The following SLC9A2 variants were observed in gnomAD, a reference collection of about 807,000 sequenced individuals.
SLC9A2 encodes the protein sodium/hydrogen exchanger 2.
Under a neutral mutation model 71.7 loss-of-function variants are expected in SLC9A2, and 42 were observed. That is an observed-to-expected ratio of 0.59 (90% CI 0.46 to 0.76). The LOEUF is 0.76. Ranked by LOEUF, SLC9A2 falls within the 30% of genes least tolerant of loss-of-function variation. The pLI is 0.00. For synonymous variants in SLC9A2, 396 were observed against 392.5 expected (o/e 1.01, Z -0.10); for missense variants, 829 against 1,017.4 (o/e 0.81, Z 2.52).
In SLC9A2 at chr2:102,683,256, T is replaced by G; in HGVS notation, c.1005-5T>G. The stretch of plus-strand genomic sequence containing the variant: ...TTTCAATAGAAGCTGAATCTTCCCT[T>G]TCAGAATCACTGCTTGTGCAATGAC... On this transcript the variant is annotated splice_region_variant and splice_polypyrimidine_tract_variant and intron_variant, in intron 3 of 11. Transcript: ENST00000233969. 1 of 1,605,344 alleles carries G rather than the reference T, an allele frequency of 6.2e-7. No individual in the cohort carries two copies. Among genetic ancestry groups the G allele is most frequent in the Non-Finnish European group, 8.5e-7 (1 of 1,171,974 alleles).
intron 3 of SLC9A2, among the ~76,000 whole-genome samples, chr2:102,680,088 T>G (rs1357560917): frequency 6.6e-6 from 1 of 152,216 alleles, no homozygotes; most frequent in African/African-American, 2.4e-5. Flanking sequence ...ATCTTTTGTA[T>G]AGGATTAGAG....
intron 2 of SLC9A2, among the ~76,000 whole-genome samples, chr2:102,658,681 G>A (rs897752491): frequency 1.9e-4 from 29 of 151,868 alleles, no homozygotes; most frequent in African/African-American, 7.0e-4. Context: ...TCCTCTCTTA[G>A]ATTACATATA....
chr2:102,695,796 T>TA (rs1677751303), intron 7 of SLC9A2, among the ~76,000 whole-genome samples: 1 of 109,108 alleles, frequency 9.2e-6, no homozygotes, highest in African/African-American at 3.2e-5. Flanking sequence ...ATATTATATA[T>TA]ATATTATATA....
At chr2:102,700,289 G>T (rs531253592) in intron 7 of SLC9A2, among the ~76,000 whole-genome samples, 2 of 152,276 alleles carry the variant, frequency 1.3e-5, no homozygotes, top group Admixed American at 6.5e-5. Flanking sequence ...ACAAATCTGG[G>T]GGTCATTGGC....
At chr2:102,644,326 C>T (rs1000682785) in intron 1 of SLC9A2, among the ~76,000 whole-genome samples, 25 of 152,262 alleles carry the variant, frequency 1.6e-4, no homozygotes, top group East Asian at 1.9e-4. Context: ...ACCCACAGAC[C>T]AGGAGATTCC....
chr2:102,647,241 C>A (rs117286000), intron 1 of SLC9A2, among the ~76,000 whole-genome samples: 1 of 151,854 alleles, frequency 6.6e-6, no homozygotes, highest in African/African-American at 2.4e-5. Context: ...AACTTGCTCC[C>A]GGATGACTAC....
intron 1 of SLC9A2, among the ~76,000 whole-genome samples, chr2:102,621,352 G>GAGA (rs1676132689): frequency 9.1e-6 from 1 of 109,536 alleles, no homozygotes; most frequent in Non-Finnish European, 1.8e-5. Flanking sequence ...TTGTCTCAGG[G>GAGA]AAAAAAAAAA....
chr2:102,658,787 A>AT (rs1676995679), intron 2 of SLC9A2, among the ~76,000 whole-genome samples: 1 of 152,060 alleles, frequency 6.6e-6, no homozygotes, highest in Non-Finnish European at 1.5e-5. Flanking sequence ...GGGATGAGAA[A>AT]GCCTCTCCTT....
rs902076812 is a variant in SLC9A2 at position 102,704,624 on chromosome 2, C to T, written c.1926C>T (p.His642=). The T allele has an allele frequency of 1.9e-6, 3 of 1,613,478 alleles. No individual in the cohort carries two copies. The highest frequency in any genetic ancestry group is 1.6e-4 in the Middle Eastern group (1 of 6,076). The change falls in exon 10 of 12, where the codon CAC becomes CAT. Residue 642 remains histidine, a synonymous_variant. Coordinates refer to ENST00000233969, the MANE Select transcript of SLC9A2 (RefSeq NM_003048.6). ...AGGAGATTCTGATTCGCCGGCGACACAGTTTGCGAGAAAGCATTAGGAAGG... is the reference window on the plus strand; with the variant it reads ...AGGAGATTCTGATTCGCCGGCGACATAGTTTGCGAGAAAGCATTAGGAAGG... The part of the protein sequence containing the change: ...QAKEILIRRR[H]SLRESIRKDS...
chr2:102,679,689 A>G (rs568172336), intron 3 of SLC9A2, among the ~76,000 whole-genome samples: 1 of 152,292 alleles, frequency 6.6e-6, no homozygotes, highest in Middle Eastern at 3.4e-3. Context: ...CCAAAGCTAT[A>G]TTTTAATTGT....
intron 1 of SLC9A2, among the ~76,000 whole-genome samples, 178 bp downstream of exon 1, chr2:102,620,315 G>T (rs1410994051): frequency 6.6e-6 from 1 of 152,196 alleles, no homozygotes; most frequent in Non-Finnish European, 1.5e-5. Flanking sequence ...GCAGTTTCGC[G>T]TTTTGGTTCT....
chr2:102,648,420 T>C (rs1676768525), intron 1 of SLC9A2, among the ~76,000 whole-genome samples: 1 of 152,162 alleles, frequency 6.6e-6, no homozygotes, highest in Non-Finnish European at 1.5e-5. Context: ...AGCATTCCCT[T>C]TGAAAACCGG....
At chr2:102,620,368 A>G (rs1362531109) in intron 1 of SLC9A2, among the ~76,000 whole-genome samples, 1 of 152,190 alleles carries the variant, frequency 6.6e-6, no homozygotes, top group Non-Finnish European at 1.5e-5. Flanking sequence ...TGTAAGTTCT[A>G]CAAACTCAGC....
intron 1 of SLC9A2, among the ~76,000 whole-genome samples, chr2:102,635,858 TAATGATTG>T (rs2104504339): frequency 6.6e-6 from 1 of 152,188 alleles, no homozygotes; most frequent in Non-Finnish European, 1.5e-5. Context: ...TCTGTTTACT[TAATGATTG>T]GCTCCATCTG....
At chr2:102,689,011 C>T (rs60060667) in intron 5 of SLC9A2, among the ~76,000 whole-genome samples, 29,511 of 152,082 alleles carry the variant, frequency 0.19, 3,286 homozygotes, top group South Asian at 0.34. Context: ...TGCAGAACTG[C>T]GAAGCATCTG....
intron 3 of SLC9A2, among the ~76,000 whole-genome samples, 157 bp from the exon 4 acceptor site, chr2:102,683,104 G>A (rs981429374): frequency 6.6e-6 from 1 of 152,134 alleles, no homozygotes; most frequent in African/African-American, 2.4e-5. Flanking sequence ...GATTTCCGAG[G>A]TTTGCATGCA....
chr2:102,702,276 T>A, intron 8 of SLC9A2, 130 bp from the exon 9 acceptor site: 1 of 567,456 alleles, frequency 1.8e-6, no homozygotes, highest in Non-Finnish European at 3.1e-6. Context: ...TATTTTAAGT[T>A]ATTGAATAAT....
rs919678079 is a variant in SLC9A2, at chr2:102,710,250, T to C, written c.*1761T>C. The stretch of plus-strand genomic sequence containing the variant: ...TATTTATATAAAAATACATTTATTC[T>C]GCTTAACACAAATTAAAACTGACAT... On this transcript the variant is annotated 3_prime_UTR_variant, in exon 12 of 12. Coordinates refer to ENST00000233969, the MANE Select transcript of SLC9A2 (RefSeq NM_003048.6). 6.6e-6 allele frequency: 1 copy of C among 152,636 alleles called. No homozygotes were observed. Among genetic ancestry groups the C allele is most frequent in the African/African-American group, 2.4e-5 (1 of 41,460 alleles). 9.5% of individuals were successfully genotyped at this position (152,636 alleles called of 1,614,324 possible).
rs1677712799 is a variant in SLC9A2, at chr2:102,694,333, T to C, written c.1426-81T>C. 7.1e-6 allele frequency: 3 copies of C among 420,254 alleles called. No individual in the cohort carries two copies. In the East Asian group the frequency reaches 1.6e-4, roughly 22 times the overall value. The allele number at this position is 420,254 out of a possible 1,614,324, so 26.0% of individuals were successfully genotyped here. ...ATATTAAAATGTAGTTTATAAAAAA[T>C]TTATATTAAAATTTTTATATTAAAC... On this transcript the variant is annotated intron_variant, in intron 5 of 11. Coordinates refer to ENST00000233969, the MANE Select transcript of SLC9A2 (RefSeq NM_003048.6).
Sources: allele counts gnomAD v4.1 joint callset (sites outside exome capture counted in the v4.1 genomes callset), GRCh38; gene constraint gnomAD v4.1.1; transcripts MANE v1.5; gene names NCBI Gene and HGNC (gene_info 2026-07-23, HGNC 2026-07-21).